SDK2: variants seen among roughly 807,000 people sequenced by gnomAD.
SDK2 encodes the protein protein sidekick-2.
Under a neutral mutation model 253.9 loss-of-function variants are expected in SDK2, and 105 were observed. The ratio of observed to expected loss-of-function variants is 0.41; its 90% CI spans 0.35 to 0.49. SDK2 has a LOEUF of 0.49. SDK2 is among the 20% of genes least tolerant of loss of function. SDK2 has a pLI of 0.06. For synonymous variants in SDK2, 1,249 were observed against 1,234.9 expected, an observed-to-expected ratio of 1.01 and a Z score of -0.24; for missense variants, 2,608 against 3,003.0, an observed-to-expected ratio of 0.87 and a Z score of 3.07.
intron 1 of SDK2, among the ~76,000 whole-genome samples, chr17:73,579,689 A>G (rs1350217637): frequency 6.6e-6 from 1 of 151,862 alleles, no homozygotes; most frequent in Non-Finnish European, 1.5e-5. Flanking sequence ...ATAAGAAGAG[A>G]TTAGAGGCTG....
At chr17:73,428,734 C>A (rs1332596510) in intron 12 of SDK2, among the ~76,000 whole-genome samples, 2 of 152,108 alleles carry the variant, frequency 1.3e-5, no homozygotes, top group East Asian at 3.9e-4. Flanking sequence ...AGATCTACCT[C>A]AAGACGGAGG....
chr17:73,365,498 G>C (rs1385556541), intron 37 of SDK2, 103 bp from the exon 38 acceptor site: 8 of 1,225,346 alleles, frequency 6.5e-6, no homozygotes, highest in Non-Finnish European at 8.8e-6. Flanking sequence ...CTGAGCCCGG[G>C]AGGAACAAGA....
At chr17:73,459,938 G>A (rs1243036868) in intron 3 of SDK2, among the ~76,000 whole-genome samples, 1 of 152,158 alleles carries the variant, frequency 6.6e-6, no homozygotes, top group Non-Finnish European at 1.5e-5. Context: ...GATGATATGT[G>A]TATGTCAGGC....
chr17:73,457,436 T>C lies in SDK2; in HGVS notation c.332-1383A>G, dbSNP rs137920855. ...TACAATCTTGGCTCACTGCAACCTC[T>C]GCCTCCCAGGTTCAAGTGATTCTCC... On this transcript the variant is annotated intron_variant, in intron 3 of 44. Coordinates refer to ENST00000392650, the MANE Select transcript of SDK2 (RefSeq NM_001144952.2). 7.1e-3 allele frequency among the ~76,000 whole-genome samples: 1,077 copies of C among 150,764 alleles called. 9 individuals are homozygous for C. Among genetic ancestry groups the C allele is most frequent in the African/African-American group, 0.024 (981 of 41,004 alleles).
At chr17:73,384,607 T>C (rs1466115236) in intron 32 of SDK2, among the ~76,000 whole-genome samples, 1 of 152,294 alleles carries the variant, frequency 6.6e-6, no homozygotes, top group East Asian at 1.9e-4. Context: ...ATACTGCTTA[T>C]GAAGAATGGT....
chr17:73,364,978 TCCTC>T (rs1384224619), intron 38 of SDK2, among the ~76,000 whole-genome samples: 1 of 152,184 alleles, frequency 6.6e-6, no homozygotes, highest in East Asian at 1.9e-4. Flanking sequence ...TCCCTTCCTT[TCCTC>T]CCTGTTTCCG....
In SDK2 at chr17:73,390,105, G is replaced by A. The variant is rs111760611; in HGVS notation, c.4192+182C>T. Among the ~76,000 whole-genome samples, 788 of 152,316 alleles carry A rather than the reference G, an allele frequency of 5.2e-3. 15 individuals are homozygous for A. In the East Asian group the frequency reaches 0.054, roughly 10 times the overall value. ...GTAGGGTCCTTGGGTGTGAACTTGCGGCTCATCTCTGGGAGTCTATTAGAC... is the reference window on the plus strand; with the variant it reads ...GTAGGGTCCTTGGGTGTGAACTTGCAGCTCATCTCTGGGAGTCTATTAGAC... On this transcript the variant is annotated intron_variant, in intron 29 of 44. Coordinates refer to ENST00000392650, the MANE Select transcript of SDK2 (RefSeq NM_001144952.2).
intron 1 of SDK2, among the ~76,000 whole-genome samples, chr17:73,610,152 C>T (rs2045955621): frequency 6.6e-6 from 1 of 152,320 alleles, no homozygotes; most frequent in South Asian, 2.1e-4. Context: ...ACTCATTGTT[C>T]TCCAGGGATC....
In SDK2 at chr17:73,418,010, G is replaced by GTT. The variant is rs397689294; in HGVS notation, c.2186+1154_2186+1155dup. Among the ~76,000 whole-genome samples the GTT allele has an allele frequency of 7.2e-3, 928 of 128,220 alleles. 21 individuals carry two copies. The highest frequency in any genetic ancestry group is 0.025 in the African/African-American group (852 of 34,386). The allele number at this position is 128,220 out of a possible 152,430, so 84.1% of individuals were successfully genotyped here. On this transcript the variant is annotated intron_variant, in intron 16 of 44. Transcript: ENST00000392650. ...AGATGCATCAAAGTCTCCTAGATGA[G>GTT]TTTTTTTTTTTTTTTTTTGTTTTTA...
chr17:73,468,621 C>T (rs191816831), intron 3 of SDK2, among the ~76,000 whole-genome samples: 3 of 152,140 alleles, frequency 2.0e-5, no homozygotes, highest in East Asian at 1.9e-4. Context: ...AAGCAATTCT[C>T]ATGCCTCAGC....
rs958781669 is a variant in SDK2, at chr17:73,642,538, A to T, written c.64+1487T>A. On this transcript the variant is annotated intron_variant, in intron 1 of 44. Transcript: ENST00000392650. This position sits in a 1 kb window ranked among gnomAD's most constrained non-coding sequence, Gnocchi z 4.7. Reference sequence around the variant, plus strand: ...AGGGGGCCCAGACCAAGGAGACCCCATGCAGCTAGTCCTGGTTTGAGGGAG... The same window carrying T: ...AGGGGGCCCAGACCAAGGAGACCCCTTGCAGCTAGTCCTGGTTTGAGGGAG... 9.9e-5 allele frequency among the ~76,000 whole-genome samples: 15 copies of T among 152,132 alleles called. No homozygotes were observed. The highest frequency in any genetic ancestry group is 3.4e-4 in the African/African-American group (14 of 41,438).
chr17:73,509,902 C>CAAAAAAAAAAAAAAAAAAAAAA lies in SDK2; in HGVS notation c.65-2306_65-2305insTTTTTTTTTTTTTTTTTTTTTT, dbSNP rs71157018. 4.3e-3 allele frequency among the ~76,000 whole-genome samples: 108 copies of CAAAAAAAAAAAAAAAAAAAAAA among 25,368 alleles called. 15 individuals carry two copies. Among genetic ancestry groups the CAAAAAAAAAAAAAAAAAAAAAA allele is most frequent in the African/African-American group, 9.9e-3 (52 of 5,260 alleles). The allele number at this position is 25,368 out of a possible 152,430, so 16.6% of individuals were successfully genotyped here. On this transcript the variant is annotated intron_variant, in intron 1 of 44. Coordinates refer to ENST00000392650, the MANE Select transcript of SDK2 (RefSeq NM_001144952.2). ...GCAACAGAGCAAGACTCCATCTCTA[C>CAAAAAAAAAAAAAAAAAAAAAA]AAAAAAAAAAAAAAAAAAAAGAAGG...
rs1377775717 is a variant in SDK2 at position 73,338,390 on chromosome 17, C to T, written c.*197G>A. ...CATCTCAAAGCTGAAGAGCTGCTGGCCACACACATCCTCTCACGGTTTTCT... is the reference window on the plus strand; with the variant it reads ...CATCTCAAAGCTGAAGAGCTGCTGGTCACACACATCCTCTCACGGTTTTCT... On this transcript the variant is annotated 3_prime_UTR_variant, in exon 45 of 45. Transcript: ENST00000392650. This position sits in a 1 kb window ranked among gnomAD's most constrained non-coding sequence, Gnocchi z 5.0. The T allele has an allele frequency of 8.6e-6, 6 of 694,368 alleles. No individual in the cohort carries two copies. Among genetic ancestry groups the T allele is most frequent in the South Asian group, 6.0e-5 (4 of 66,662 alleles). The allele number at this position is 694,368 out of a possible 1,614,324, so 43.0% of individuals were successfully genotyped here.
intron 1 of SDK2, among the ~76,000 whole-genome samples, chr17:73,595,912 C>A (rs2045751319): frequency 6.6e-6 from 1 of 152,200 alleles, no homozygotes; most frequent in African/African-American, 2.4e-5. Context: ...CATCAAGCAG[C>A]CCGAGAGTGT....
At chr17:73,350,847 T>A in intron 41 of SDK2, 57 bp from the exon 42 acceptor site, 1 of 1,539,012 alleles carries the variant, frequency 6.5e-7, no homozygotes. Flanking sequence ...CCTCCAAATC[T>A]CCTGCTCCAG....
intron 2 of SDK2, among the ~76,000 whole-genome samples, chr17:73,473,226 G>T (rs2063664235): frequency 6.6e-6 from 1 of 152,222 alleles, no homozygotes; most frequent in Admixed American, 6.5e-5. Context: ...GGCATTGGGG[G>T]GCAGGCGGCT....
Position 73,395,437 on chromosome 17 carries a change from C to G in SDK2, c.3355-45G>C. The G allele has an allele frequency of 1.9e-6, 3 of 1,539,504 alleles. No homozygotes were observed. The highest frequency in any genetic ancestry group is 1.8e-6 in the Non-Finnish European group (2 of 1,114,652). On this transcript the variant is annotated intron_variant, in intron 24 of 44. Coordinates refer to ENST00000392650, the MANE Select transcript of SDK2 (RefSeq NM_001144952.2). The surrounding 1 kb of genome is among the most constrained non-coding windows in gnomAD (Gnocchi z 4.3). ...GCAAAGCTGCTATGAGCCAGGCCCC[C>G]CACTGTGCAGGGAGGAACTGCCCTG...
intron 1 of SDK2, among the ~76,000 whole-genome samples, chr17:73,638,892 C>T (rs970909596): frequency 6.6e-6 from 1 of 150,816 alleles, no homozygotes; most frequent in East Asian, 2.0e-4. Context: ...TCACTGCCAC[C>T]TCCGCCTCCC....
chr17:73,461,408 A>G (rs2063561696), intron 3 of SDK2, among the ~76,000 whole-genome samples: 1 of 152,236 alleles, frequency 6.6e-6, no homozygotes, highest in Admixed American at 6.5e-5. Context: ...GTCGAAAAGG[A>G]GGGAATGAGG....
Sources: allele counts gnomAD v4.1 joint callset (sites outside exome capture counted in the v4.1 genomes callset), GRCh38; gene constraint gnomAD v4.1.1; non-coding constraint Gnocchi (gnomAD v3.1); transcripts MANE v1.5; gene names NCBI Gene and HGNC (gene_info 2026-07-23, HGNC 2026-07-21).